The following IL1RAPL1 variants were observed in gnomAD, a reference collection of about 807,000 sequenced individuals.
The protein encoded by IL1RAPL1 is interleukin-1 receptor accessory protein-like 1.
A neutral mutation model predicts 48.4 loss-of-function variants in IL1RAPL1; 3 were observed. The ratio of observed to expected loss-of-function variants is 0.06; its 90% confidence interval spans 0.03 to 0.16. The LOEUF (loss-of-function observed/expected upper bound fraction) is 0.16, where lower values mean the gene tolerates loss of function less well. IL1RAPL1 is among the 10% of genes least tolerant of loss of function. The pLI is 1.00. For synonymous variants in IL1RAPL1, 185 were observed against 187.7 expected (o/e 0.99, Z 0.12); for missense variants, 349 against 530.6 (o/e 0.66, Z 3.36).
At chrX:29,637,152 C>T (rs750453627) in intron 5 of IL1RAPL1, among the ~76,000 whole-genome samples, 120 of 108,704 alleles carry the variant, frequency 1.1e-3, no homozygotes, top group Non-Finnish European at 1.9e-3. Context: ...AACAGATGAA[C>T]TAGATTTCTC....
intron 2 of IL1RAPL1, among the ~76,000 whole-genome samples, chrX:28,927,661 A>G (rs1448989100): frequency 3.1e-5 from 3 of 96,635 alleles, no homozygotes; most frequent in African/African-American, 1.2e-4. Context: ...TCACATGACT[A>G]TTGCATTGTC....
chrX:29,738,605 A>C (rs925530489), intron 6 of IL1RAPL1, among the ~76,000 whole-genome samples: 2 of 108,112 alleles, frequency 1.8e-5, no homozygotes, highest in Non-Finnish European at 3.8e-5. Flanking sequence ...CCACCAGCTA[A>C]TTTTTTGTAT....
intron 5 of IL1RAPL1, among the ~76,000 whole-genome samples, chrX:29,553,969 C>T (rs12014473): frequency 9.3e-6 from 1 of 107,574 alleles, no homozygotes; most frequent in Non-Finnish European, 1.9e-5. Context: ...GCTGCTTTGA[C>T]TCTGTATTTG....
chrX:29,346,763 G>T (rs762901357), intron 3 of IL1RAPL1, among the ~76,000 whole-genome samples: 1 of 112,109 alleles, frequency 8.9e-6, no homozygotes, highest in African/African-American at 3.2e-5. Context: ...ATTTCTCAGG[G>T]TACACTAAAT....
At chrX:29,283,308 C>T in intron 3 of IL1RAPL1, 91 bp downstream of exon 3, 1 of 913,764 alleles carries the variant, frequency 1.1e-6, no homozygotes, top group Non-Finnish European at 1.6e-6. Context: ...TTGCCTAAAG[C>T]CGTTGTCTCA....
chrX:29,803,310 CATGTATATATGTATACATGTATACACAT>C (rs772139022), intron 6 of IL1RAPL1, among the ~76,000 whole-genome samples: 864 of 18,667 alleles, frequency 0.046, 53 homozygotes, highest in East Asian at 0.09. Flanking sequence ...CATATACACA[CATGTATATATGTATACATGTATACACAT>C]ATGTATATAT....
At chrX:29,601,438 A>G (rs1347131835) in intron 5 of IL1RAPL1, among the ~76,000 whole-genome samples, 1 of 111,927 alleles carries the variant, frequency 8.9e-6, no homozygotes, top group Non-Finnish European at 1.9e-5. Context: ...TTGGCTTTTT[A>G]GTAGTAAATC....
intron 5 of IL1RAPL1, among the ~76,000 whole-genome samples, chrX:29,556,193 C>CT (rs1391725505): frequency 3.6e-5 from 4 of 111,764 alleles, no homozygotes; most frequent in African/African-American, 1.3e-4. Flanking sequence ...GACACTAGCG[C>CT]TTTTCTCCAA....
intron 6 of IL1RAPL1, among the ~76,000 whole-genome samples, chrX:29,887,533 C>G (rs913378324): frequency 8.9e-6 from 1 of 111,839 alleles, no homozygotes; most frequent in Non-Finnish European, 1.9e-5. Flanking sequence ...TCAGCTATGT[C>G]AAATCTCTCC....
chrX:28,801,184 G>A (rs912341498), intron 2 of IL1RAPL1, among the ~76,000 whole-genome samples: 2 of 110,481 alleles, frequency 1.8e-5, no homozygotes, highest in Non-Finnish European at 3.8e-5. Flanking sequence ...CCTGGCCAGG[G>A]ATTTTACTTT....
chrX:29,444,875 G>A (rs777345699), intron 5 of IL1RAPL1, among the ~76,000 whole-genome samples: 1 of 111,802 alleles, frequency 8.9e-6, no homozygotes, highest in Non-Finnish European at 1.9e-5. Flanking sequence ...TGGTTTTGTA[G>A]TACAGACAAA....
intron 6 of IL1RAPL1, among the ~76,000 whole-genome samples, chrX:29,809,082 C>CT (rs757296782): frequency 0.024 from 2,133 of 89,440 alleles, 68 homozygotes; most frequent in African/African-American, 0.083. Flanking sequence ...TCTGCTCCTG[C>CT]TTTTTTTTTT....
At chrX:29,276,001 C>A (rs1442070811) in intron 2 of IL1RAPL1, among the ~76,000 whole-genome samples, 2 of 112,426 alleles carry the variant, frequency 1.8e-5, no homozygotes, top group Non-Finnish European at 3.8e-5. Context: ...AAAACAAAAA[C>A]AAAATAAAAG....
chrX:29,358,838 T>C (rs1040060844), intron 3 of IL1RAPL1, among the ~76,000 whole-genome samples: 14 of 110,197 alleles, frequency 1.3e-4, no homozygotes, highest in African/African-American at 4.6e-4. Context: ...GGCCAACATA[T>C]TGAAACCATC....
chrX:28,663,520 G>A (rs757480386), intron 1 of IL1RAPL1, among the ~76,000 whole-genome samples: 32 of 112,134 alleles, frequency 2.9e-4, no homozygotes, highest in African/African-American at 1.0e-3. Flanking sequence ...TTGGCATTGC[G>A]TTTTATGAAA....
intron 6 of IL1RAPL1, among the ~76,000 whole-genome samples, chrX:29,766,342 A>AAAT (rs1200679211): frequency 0.011 from 515 of 47,493 alleles, 34 homozygotes; most frequent in African/African-American, 0.045. Context: ...AAAAAAAAAA[A>AAAT]ATATATATAT....
intron 1 of IL1RAPL1, among the ~76,000 whole-genome samples, chrX:28,728,001 C>T (rs1172656816): frequency 1.8e-5 from 2 of 109,750 alleles, no homozygotes; most frequent in Admixed American, 9.8e-5. Context: ...AGCGCACCAG[C>T]GTGGCACATG....
Position 29,955,218 on chromosome X carries a change from C to A in IL1RAPL1, c.1489C>A (p.Arg497=), listed in dbSNP as rs144365564. ...CATCTTTGAGCTGGAAACCAGACTT[C>A]GAAATATGCTTGTGACTGGAGAAAT... ...WSIFELETRL[R]NMLVTGEIKV... Residue 497 remains arginine, a synonymous_variant, in exon 11 of 11, where the codon CGA becomes AGA. Transcript: ENST00000378993. 2.3e-5 allele frequency: 28 copies of A among 1,208,436 alleles called. No individual in the cohort carries two copies. Among genetic ancestry groups the A allele is most frequent in the Non-Finnish European group, 3.1e-5 (28 of 894,396 alleles).
intron 5 of IL1RAPL1, among the ~76,000 whole-genome samples, chrX:29,663,889 G>A (rs1235877663): frequency 2.7e-5 from 3 of 111,901 alleles, no homozygotes; most frequent in African/African-American, 6.5e-5. Context: ...TTTATTTTCC[G>A]TCTACTATAT....
Sources: gnomAD v4.1 joint callset for allele counts (sites outside exome capture counted in the v4.1 genomes callset) on GRCh38, gnomAD v4.1.1 for gene constraint, MANE v1.5 for transcripts, NCBI Gene and HGNC (gene_info 2026-07-23, HGNC 2026-07-21) for gene names.